The following ATP9A variants were observed in gnomAD, a reference collection of about 807,000 sequenced individuals.
ATP9A encodes the protein probable phospholipid-transporting ATPase IIA.
ATP9A carries 52 observed loss-of-function variants against 144.1 expected under a neutral mutation model. The ratio of observed to expected loss-of-function variants is 0.36; its 90% CI spans 0.29 to 0.45. The LOEUF (loss-of-function observed/expected upper bound fraction) is 0.45, where lower values mean the gene tolerates loss of function less well. Among genes scored for constraint, ATP9A ranks in the 20% least tolerant of loss-of-function variants. The pLI is 1.00. For missense variants in ATP9A, 947 were observed against 1,392.7 expected (o/e 0.68, Z 5.09); for synonymous variants, 582 against 557.4 (o/e 1.04, Z -0.62).
intron 15 of ATP9A, among the ~76,000 whole-genome samples, chr20:51,633,357 A>G (rs2426327): frequency 0.83 from 126,261 of 151,834 alleles, 52,769 homozygotes; most frequent in Non-Finnish European, 0.88. Context: ...ATAATTTTAC[A>G]AAAATGTGTG....
intron 1 of ATP9A, among the ~76,000 whole-genome samples, chr20:51,746,425 A>G (rs1438235046): frequency 6.6e-6 from 1 of 152,230 alleles, no homozygotes; most frequent in Non-Finnish European, 1.5e-5. Flanking sequence ...GAGGCTGGGC[A>G]CGGTGGCTCA....
At chr20:51,686,278 T>C (rs1002577989) in intron 9 of ATP9A, among the ~76,000 whole-genome samples, 1 of 151,742 alleles carries the variant, frequency 6.6e-6, no homozygotes, top group African/African-American at 2.4e-5. Flanking sequence ...GACGAGTTAA[T>C]GGGTGCAGCA....
intron 13 of ATP9A, among the ~76,000 whole-genome samples, chr20:51,659,705 C>A (rs934577439): frequency 1.1e-4 from 17 of 152,208 alleles, no homozygotes; most frequent in African/African-American, 3.9e-4. Flanking sequence ...CCATGACACC[C>A]GATTGCCCAA....
chr20:51,706,002 T>C (rs1443887357), intron 4 of ATP9A, among the ~76,000 whole-genome samples: 3 of 152,176 alleles, frequency 2.0e-5, no homozygotes, highest in Non-Finnish European at 4.4e-5. Context: ...GATGTTTAAA[T>C]GTGAATTTGT....
At chr20:51,619,624 C>A (rs1371690820) in intron 19 of ATP9A, among the ~76,000 whole-genome samples, 1 of 148,602 alleles carries the variant, frequency 6.7e-6, no homozygotes, top group East Asian at 2.0e-4. Context: ...ATCTCAGCAC[C>A]TTGGGAGGCT....
chr20:51,644,275 T>C (rs1458364632), intron 14 of ATP9A, among the ~76,000 whole-genome samples: 2 of 142,444 alleles, frequency 1.4e-5, no homozygotes, highest in Non-Finnish European at 3.1e-5. Flanking sequence ...AGCTTTTTTT[T>C]TTTTTTTTTT....
At chr20:51,667,444 C>T (rs1459305132) in intron 13 of ATP9A, among the ~76,000 whole-genome samples, 3 of 152,156 alleles carry the variant, frequency 2.0e-5, no homozygotes, top group African/African-American at 7.2e-5. Flanking sequence ...CATGACAATC[C>T]AATCAATGAG....
chr20:51,657,833 C>T (rs574675012), intron 13 of ATP9A, among the ~76,000 whole-genome samples: 134 of 152,336 alleles, frequency 8.8e-4, no homozygotes, highest in African/African-American at 3.0e-3. Context: ...CACTGCAAAA[C>T]GGCACCTGGC....
intron 27 of ATP9A, among the ~76,000 whole-genome samples, chr20:51,602,749 G>T (rs757663141): frequency 3.3e-5 from 5 of 152,198 alleles, no homozygotes; most frequent in Non-Finnish European, 7.3e-5. Flanking sequence ...GGGTAAGGTC[G>T]AGTTTCTCTG....
Position 51,627,703 on chromosome 20 carries a change from C to T in ATP9A, c.1762-20G>A, listed in dbSNP as rs754387552. 11 of 1,609,218 alleles carry T rather than the reference C, an allele frequency of 6.8e-6. No individual in the cohort carries two copies. The highest frequency in any genetic ancestry group is 1.1e-5 in the South Asian group (1 of 90,946). ...GCCACACTGAAAAATAGACCACGGTCGAGTGGGAGCGGTGCTGAGAGCTCC... is the reference window on the plus strand; with the variant it reads ...GCCACACTGAAAAATAGACCACGGTTGAGTGGGAGCGGTGCTGAGAGCTCC... On this transcript the variant is annotated intron_variant, in intron 16 of 27. Coordinates refer to ENST00000338821, the MANE Select transcript of ATP9A (RefSeq NM_006045.3).
chr20:51,621,642 C>G (rs2077227362), intron 19 of ATP9A, among the ~76,000 whole-genome samples: 2 of 152,194 alleles, frequency 1.3e-5, no homozygotes, highest in Non-Finnish European at 2.9e-5. Context: ...AATGCTTCCC[C>G]TCTCAGGAGG....
chr20:51,729,309 C>A (rs1205650146), intron 2 of ATP9A, among the ~76,000 whole-genome samples: 2 of 152,116 alleles, frequency 1.3e-5, no homozygotes, highest in Non-Finnish European at 2.9e-5. Flanking sequence ...CACAGCCTTG[C>A]AGAGAGAAGG....
chr20:51,654,602 G>A (rs1481806664), intron 14 of ATP9A, among the ~76,000 whole-genome samples: 5 of 152,144 alleles, frequency 3.3e-5, no homozygotes, highest in African/African-American at 7.2e-5. Flanking sequence ...GCACACGCCT[G>A]TAGTCCTGAC....
chr20:51,688,941 A>C, intron 9 of ATP9A, 123 bp downstream of exon 9: 1 of 1,071,080 alleles, frequency 9.3e-7, no homozygotes, highest in Non-Finnish European at 1.4e-6. Context: ...AGGTGTCGGA[A>C]CAAGTGGAAA....
intron 18 of ATP9A, among the ~76,000 whole-genome samples, chr20:51,623,182 G>A (rs1463314811): frequency 6.6e-6 from 1 of 152,168 alleles, no homozygotes; most frequent in Non-Finnish European, 1.5e-5. Context: ...TCAATATCCC[G>A]CCTGTCCTAA....
At chr20:51,737,989 A>G (rs1016457416) in intron 1 of ATP9A, among the ~76,000 whole-genome samples, 7 of 151,978 alleles carry the variant, frequency 4.6e-5, no homozygotes, top group Non-Finnish European at 8.8e-5. Flanking sequence ...AGGATTTCGA[A>G]TCCAACTTGG....
At chr20:51,727,550 C>A (rs1366953312) in intron 2 of ATP9A, among the ~76,000 whole-genome samples, 1 of 151,840 alleles carries the variant, frequency 6.6e-6, no homozygotes, top group Non-Finnish European at 1.5e-5. Flanking sequence ...CATGTCACTG[C>A]ACTCTCGCCT....
At chr20:51,688,213 T>A (rs1020846483) in intron 9 of ATP9A, among the ~76,000 whole-genome samples, 1 of 152,238 alleles carries the variant, frequency 6.6e-6, no homozygotes, top group Non-Finnish European at 1.5e-5. Flanking sequence ...GCCTGACACA[T>A]GGGCTGCATG....
intron 4 of ATP9A, among the ~76,000 whole-genome samples, chr20:51,707,335 T>A (rs2077618704): frequency 6.6e-6 from 1 of 152,148 alleles, no homozygotes; most frequent in Non-Finnish European, 1.5e-5. Flanking sequence ...TGGAAAGACA[T>A]CACCAGATTC....
Sources: allele counts gnomAD v4.1 joint callset (sites outside exome capture counted in the v4.1 genomes callset), GRCh38; gene constraint gnomAD v4.1.1; transcripts MANE v1.5; gene names NCBI Gene and HGNC (gene_info 2026-07-23, HGNC 2026-07-21).